The following SRBD1 variants were observed in gnomAD, a reference collection of about 807,000 sequenced individuals.
The protein encoded by SRBD1 is S1 RNA binding domain 1.
A neutral mutation model predicts 115.3 loss-of-function variants in SRBD1; 88 were observed. The ratio of observed to expected loss-of-function variants is 0.76; its 90% CI spans 0.64 to 0.91. SRBD1 has a LOEUF of 0.91. Ranked by LOEUF, SRBD1 falls within the 40% of genes least tolerant of loss-of-function variation. The probability of loss-of-function intolerance (pLI) is 0.00; values close to 1 mark genes in which losing one functional copy is unlikely to be tolerated. For missense variants in SRBD1, 1,385 were observed against 1,177.4 expected (o/e 1.18, Z -2.58); for synonymous variants, 509 against 407.7 (o/e 1.25, Z -2.99).
intron 14 of SRBD1, among the ~76,000 whole-genome samples, chr2:45,490,841 C>T (rs1572697196): frequency 1.3e-5 from 2 of 152,246 alleles, no homozygotes; most frequent in Admixed American, 6.5e-5. Context: ...TGACACATTG[C>T]ACCCAAAGAT....
intron 13 of SRBD1, 51 bp from the exon 14 acceptor site, chr2:45,546,890 A>AT: frequency 1.9e-6 from 3 of 1,546,994 alleles, no homozygotes; most frequent in Non-Finnish European, 2.7e-6. Flanking sequence ...ATGCTTTGAA[A>AT]TCAGCTGGAG....
intron 19 of SRBD1, among the ~76,000 whole-genome samples, chr2:45,403,940 G>C (rs1667357883): frequency 6.6e-6 from 1 of 152,006 alleles, no homozygotes; most frequent in Non-Finnish European, 1.5e-5. Flanking sequence ...GCATCATTTA[G>C]AACGTGCAGA....
chr2:45,546,883 C>T (rs1354541324), intron 13 of SRBD1, 44 bp from the exon 14 acceptor site: 3 of 1,564,922 alleles, frequency 1.9e-6, no homozygotes, highest in Non-Finnish European at 2.6e-6. Flanking sequence ...TCAAGGCATG[C>T]TTTGAAATCA....
intron 9 of SRBD1, among the ~76,000 whole-genome samples, chr2:45,569,694 T>C (rs1672951054): frequency 6.6e-6 from 1 of 152,072 alleles, no homozygotes; most frequent in Admixed American, 6.6e-5. Context: ...CTCAAAAAAC[T>C]ATAAAACCAA....
rs148911725 is a variant in SRBD1 at position 45,577,899 on chromosome 2, A to G, written c.1072+1976T>C. On this transcript the variant is annotated intron_variant, in intron 7 of 20. Coordinates refer to ENST00000263736, the MANE Select transcript of SRBD1 (RefSeq NM_018079.5). The stretch of plus-strand genomic sequence containing the variant: ...CATTTTTGATCAGGGTAAAAGAAAG[A>G]GGGAGTAAAGCAAACAAAAGTCCTC... Among the ~76,000 whole-genome samples the G allele has an allele frequency of 2.5e-3, 377 of 152,278 alleles. 4 individuals carry two copies. The highest frequency in any genetic ancestry group is 8.5e-3 in the African/African-American group (355 of 41,562).
intron 16 of SRBD1, among the ~76,000 whole-genome samples, chr2:45,475,721 T>C (rs1669784474): frequency 6.6e-6 from 1 of 152,198 alleles, no homozygotes; most frequent in Admixed American, 6.5e-5. Flanking sequence ...TTTCTCGAGA[T>C]GGAGTCTCGC....
At chr2:45,499,948 G>A (rs559433976) in intron 14 of SRBD1, among the ~76,000 whole-genome samples, 58 of 152,132 alleles carry the variant, frequency 3.8e-4, no homozygotes, top group Non-Finnish European at 6.2e-4. Flanking sequence ...AGCTTTGTTC[G>A]TTTTGCTAAG....
chr2:45,520,203 T>C (rs1285293884), intron 14 of SRBD1, among the ~76,000 whole-genome samples: 1 of 152,166 alleles, frequency 6.6e-6, no homozygotes, highest in Non-Finnish European at 1.5e-5. Context: ...AGCAGCAGGG[T>C]ACCTGGCCTC....
At chr2:45,500,468 G>A (rs1670595411) in intron 14 of SRBD1, among the ~76,000 whole-genome samples, 1 of 151,686 alleles carries the variant, frequency 6.6e-6, no homozygotes, top group East Asian at 1.9e-4. Flanking sequence ...TATTGCCCAG[G>A]CTGGAGTGCA....
At chr2:45,464,408 T>A (rs1407809265) in intron 16 of SRBD1, among the ~76,000 whole-genome samples, 1 of 152,188 alleles carries the variant, frequency 6.6e-6, no homozygotes, top group Non-Finnish European at 1.5e-5. Flanking sequence ...AAAAACGATG[T>A]TCTAGGGTAC....
intron 16 of SRBD1, among the ~76,000 whole-genome samples, chr2:45,450,174 T>C (rs1193842156): frequency 1.3e-5 from 2 of 152,160 alleles, no homozygotes; most frequent in Non-Finnish European, 2.9e-5. Flanking sequence ...CAAGAAAAGT[T>C]GGCCATTTGA....
At chr2:45,490,278 T>C (rs185750912) in intron 14 of SRBD1, among the ~76,000 whole-genome samples, 26 of 152,262 alleles carry the variant, frequency 1.7e-4, no homozygotes, top group African/African-American at 3.6e-4. Context: ...CCTTGGACTA[T>C]TGGGCAGGAA....
chr2:45,389,647 A>G (rs780066035), intron 20 of SRBD1, 48 bp from the exon 21 acceptor site: 11 of 1,551,824 alleles, frequency 7.1e-6, no homozygotes, highest in African/African-American at 2.7e-5. Flanking sequence ...TACTTCCTAG[A>G]TACAACATAA....
At chr2:45,409,659 T>C (rs1667541096) in intron 19 of SRBD1, among the ~76,000 whole-genome samples, 1 of 152,102 alleles carries the variant, frequency 6.6e-6, no homozygotes, top group Non-Finnish European at 1.5e-5. Flanking sequence ...GTAGAACTAG[T>C]AAGTTAATTT....
chr2:45,413,111 T>TA lies in SRBD1; in HGVS notation c.2513+2dup. The TA allele has an allele frequency of 6.2e-7, 1 of 1,612,636 alleles. No homozygotes were observed. The highest frequency in any genetic ancestry group is 1.7e-5 in the Admixed American group (1 of 59,778). On this transcript the variant is annotated splice_region_variant and intron_variant, in intron 19 of 20. Coordinates refer to ENST00000263736, the MANE Select transcript of SRBD1 (RefSeq NM_018079.5). ...AGAATTCCCACATGGGCCTCAGACT[T>TA]ACCTCATTGCTATGTCATATGATTC...
chr2:45,442,121 G>C (rs1196411070), intron 16 of SRBD1, among the ~76,000 whole-genome samples: 2 of 152,170 alleles, frequency 1.3e-5, no homozygotes, highest in African/African-American at 2.4e-5. Flanking sequence ...AAGAAGCTGG[G>C]AGATTTAGAA....
intron 16 of SRBD1, among the ~76,000 whole-genome samples, chr2:45,439,792 GA>G (rs11347213): frequency 0.14 from 20,185 of 142,510 alleles, 2,473 homozygotes; most frequent in African/African-American, 0.34. Context: ...AGATCATACC[GA>G]AAAAAAAAAA....
At chr2:45,455,948 A>G (rs997577465) in intron 16 of SRBD1, among the ~76,000 whole-genome samples, 2 of 151,800 alleles carry the variant, frequency 1.3e-5, no homozygotes, top group Non-Finnish European at 2.9e-5. Flanking sequence ...TGCCACCATC[A>G]CTACAGTTTC....
intron 8 of SRBD1, among the ~76,000 whole-genome samples, chr2:45,574,182 C>A (rs1673105746): frequency 6.6e-6 from 1 of 151,974 alleles, no homozygotes; most frequent in Non-Finnish European, 1.5e-5. Flanking sequence ...ATTTGGAGGT[C>A]AGTACTTTTA....
Sources: allele counts gnomAD v4.1 joint callset (sites outside exome capture counted in the v4.1 genomes callset), GRCh38; gene constraint gnomAD v4.1.1; transcripts MANE v1.5; gene names NCBI Gene and HGNC (gene_info 2026-07-23, HGNC 2026-07-21).